PEX7: variants seen among roughly 807,000 people sequenced by gnomAD.
The protein encoded by PEX7 is peroxisomal biogenesis factor 7, also known as PTS2 receptor.
PEX7 carries 34 observed loss-of-function variants against 47.5 expected under a neutral mutation model. The observed-to-expected ratio is 0.72, with a 90% CI of 0.54 to 0.95. The LOEUF is 0.95. Ranked by LOEUF, PEX7 falls within the 40% of genes least tolerant of loss-of-function variation. The pLI, the probability that PEX7 is intolerant of heterozygous loss-of-function variation, is 0.00. For missense variants in PEX7, 394 were observed against 400.3 expected (o/e 0.98, Z 0.13); for synonymous variants, 141 against 148.8 (o/e 0.95, Z 0.38).
At chr6:136,906,611 G>A (rs1436545635) in intron 9 of PEX7, among the ~76,000 whole-genome samples, 2 of 152,016 alleles carry the variant, frequency 1.3e-5, no homozygotes, top group Non-Finnish European at 2.9e-5. Flanking sequence ...AAAAAAGACT[G>A]GAATAAATGG....
chr6:136,898,189 A>G lies in PEX7; in HGVS notation c.851A>G (p.His284Arg), dbSNP rs1486868571. ...KPDSLLETVE[H>R]HTEFTCGLDF... The stretch of plus-strand genomic sequence containing the variant: ...GACTCTCTTCTTGAAACAGTGGAGC[A>G]TCATACAGAGTTTACTTGTGGTTTA... The change falls in exon 9 of 10, where the codon CAT becomes CGT. Residue 284 changes from histidine to arginine, a missense_variant. Physicochemically the swap from His to Arg is conservative, Grantham distance 29 (BLOSUM62 0). Coordinates refer to ENST00000318471, the MANE Select transcript of PEX7 (RefSeq NM_000288.4). 1 of 1,612,938 alleles carries G rather than the reference A, an allele frequency of 6.2e-7. No individual in the cohort carries two copies. The highest frequency in any genetic ancestry group is 8.5e-7 in the Non-Finnish European group (1 of 1,178,946).
rs1319192297 is a variant in PEX7, at chr6:136,863,677, G to A, written c.527-2950G>A. 2.6e-5 allele frequency among the ~76,000 whole-genome samples: 4 copies of A among 152,160 alleles called. No individual in the cohort carries two copies. In the Middle Eastern group the frequency reaches 0.01, roughly 388 times the overall value. On this transcript the variant is annotated intron_variant, in intron 5 of 9. Coordinates refer to ENST00000318471, the MANE Select transcript of PEX7 (RefSeq NM_000288.4). ...AATCCCCTCACTTTGGGAGGCTGAG[G>A]CAGGTGGATTGCTTGAGCTCGGGAG...
chr6:136,875,214 T>C (rs1775250090), intron 8 of PEX7, among the ~76,000 whole-genome samples: 1 of 152,068 alleles, frequency 6.6e-6, no homozygotes. Context: ...TTTGGTACTT[T>C]CTTTTTGTTG....
At position 136,898,973 on chromosome 6, in the gene PEX7, A is replaced by G. The variant is rs969557605; in HGVS notation, c.903+732A>G. Among the ~76,000 whole-genome samples, 8 of 152,070 alleles carry G rather than the reference A, an allele frequency of 5.3e-5. No individual in the cohort carries two copies. The East Asian group carries it at 1.5e-3, about 29-fold the overall frequency. ...GGAAATTGTAGAGCATGACTGTGAA[A>G]TTGTGCTTTTATGATAACTCTCATA... On this transcript the variant is annotated intron_variant, in intron 9 of 9. Coordinates refer to ENST00000318471, the MANE Select transcript of PEX7 (RefSeq NM_000288.4).
chr6:136,875,354 T>A (rs1399106500), intron 8 of PEX7, among the ~76,000 whole-genome samples: 1 of 152,164 alleles, frequency 6.6e-6, no homozygotes, highest in East Asian at 1.9e-4. Flanking sequence ...TATAATGTTT[T>A]CATTATCATT....
At chr6:136,893,559 G>T (rs866316668) in intron 8 of PEX7, among the ~76,000 whole-genome samples, 8 of 152,214 alleles carry the variant, frequency 5.3e-5, no homozygotes, top group Non-Finnish European at 1.2e-4. Context: ...GAGGGCTGAG[G>T]CCATGTCTGT....
intron 5 of PEX7, among the ~76,000 whole-genome samples, chr6:136,856,212 C>G (rs1774859358): frequency 6.8e-6 from 1 of 146,658 alleles, no homozygotes; most frequent in South Asian, 2.2e-4. Flanking sequence ...ACCCCTGTTT[C>G]ATTACATTAC....
chr6:136,882,175 C>CTTTTTTTTTT (rs35653586), intron 8 of PEX7, among the ~76,000 whole-genome samples: 48 of 104,314 alleles, frequency 4.6e-4, no homozygotes, highest in Non-Finnish European at 6.1e-4. Flanking sequence ...TCTTCTTCTT[C>CTTTTTTTTTT]TTTTTTTTTT....
intron 6 of PEX7, among the ~76,000 whole-genome samples, chr6:136,869,670 A>C (rs1281796658): frequency 1.3e-5 from 2 of 152,244 alleles, no homozygotes; most frequent in Non-Finnish European, 2.9e-5. Context: ...CATCGTGTAC[A>C]TAAAGCATAT....
chr6:136,843,127 G>A (rs745735993), intron 3 of PEX7, among the ~76,000 whole-genome samples: 2 of 152,132 alleles, frequency 1.3e-5, no homozygotes, highest in Non-Finnish European at 2.9e-5. Context: ...CTCACATTGC[G>A]ATTAAAAGTG....
At chr6:136,906,337 C>T (rs973225632) in intron 9 of PEX7, among the ~76,000 whole-genome samples, 5 of 152,024 alleles carry the variant, frequency 3.3e-5, no homozygotes, top group Non-Finnish European at 5.9e-5. Context: ...TTAAATATAT[C>T]AACTTTAAAC....
At chr6:136,897,491 G>A (rs1227719409) in intron 8 of PEX7, among the ~76,000 whole-genome samples, 3 of 152,212 alleles carry the variant, frequency 2.0e-5, no homozygotes, top group Admixed American at 6.5e-5. Context: ...TGGAGGTTAA[G>A]TAGAATACAT....
chr6:136,859,069 A>G (rs966244410), intron 5 of PEX7, among the ~76,000 whole-genome samples: 18 of 152,238 alleles, frequency 1.2e-4, no homozygotes, highest in African/African-American at 3.4e-4. Context: ...CTTTCAACAG[A>G]TTACAACAAT....
chr6:136,875,614 A>C (rs1455676807), intron 8 of PEX7, among the ~76,000 whole-genome samples: 1 of 152,232 alleles, frequency 6.6e-6, no homozygotes, highest in Non-Finnish European at 1.5e-5. Flanking sequence ...AGTTCAGAAG[A>C]ATGTACAGTC....
chr6:136,843,970 T>C (rs1218639603), intron 3 of PEX7, among the ~76,000 whole-genome samples: 1 of 152,214 alleles, frequency 6.6e-6, no homozygotes, highest in East Asian at 1.9e-4. Context: ...TAAAAATTAA[T>C]GCAAAAAACC....
intron 5 of PEX7, among the ~76,000 whole-genome samples, chr6:136,857,249 A>G (rs186051734): frequency 9.2e-5 from 14 of 152,344 alleles, no homozygotes; most frequent in East Asian, 7.7e-4. Context: ...TACATTTCCT[A>G]TAACACTTGT....
intron 8 of PEX7, among the ~76,000 whole-genome samples, chr6:136,882,782 T>G (rs1369364915): frequency 1.3e-5 from 2 of 152,188 alleles, no homozygotes; most frequent in Non-Finnish European, 2.9e-5. Context: ...CTTTAGTGAC[T>G]TTTTCCTCAG....
chr6:136,836,023 A>G (rs1479488723), intron 3 of PEX7, among the ~76,000 whole-genome samples: 1 of 152,210 alleles, frequency 6.6e-6, no homozygotes, highest in Non-Finnish European at 1.5e-5. Context: ...AACACTATGC[A>G]TGTCTCTGAA....
chr6:136,872,299 T>C (rs1193009598), intron 8 of PEX7, 46 bp downstream of exon 8: 1 of 1,404,808 alleles, frequency 7.1e-7, no homozygotes, highest in Admixed American at 1.7e-5. Flanking sequence ...CCAGGTAACA[T>C]TTGCATCTTT....
Sources: allele counts gnomAD v4.1 joint callset (sites outside exome capture counted in the v4.1 genomes callset), GRCh38; gene constraint gnomAD v4.1.1; transcripts MANE v1.5; gene names NCBI Gene and HGNC (gene_info 2026-07-23, HGNC 2026-07-21).